Variants in MBTPS2 observed in about 807,000 individuals in gnomAD.
MBTPS2 encodes the protein membrane bound transcription factor peptidase, site 2, also known as membrane-bound transcription factor site-2 protease.
MBTPS2 carries 2 observed loss-of-function variants against 35.4 expected under a neutral mutation model. That is an observed-to-expected ratio of 0.06 (90% CI 0.02 to 0.18). MBTPS2 has a LOEUF of 0.18. Ranked by LOEUF, MBTPS2 falls within the 10% of genes least tolerant of loss-of-function variation. The pLI is 1.00. For synonymous variants in MBTPS2, 125 were observed against 140.4 expected, an observed-to-expected ratio of 0.89 and a Z score of 0.77; for missense variants, 244 against 386.5, an observed-to-expected ratio of 0.63 and a Z score of 3.09.
chrX:21,879,606 G>A (rs1452115509), intron 9 of MBTPS2, among the ~76,000 whole-genome samples: 1 of 110,750 alleles, frequency 9.0e-6, no homozygotes, highest in East Asian at 2.8e-4. Context: ...ATTGAGTTGT[G>A]CAACCATTAC....
chrX:21,862,968 A>ATATATATAT (rs1569325859), intron 5 of MBTPS2, among the ~76,000 whole-genome samples: 84 of 67,003 alleles, frequency 1.3e-3, no homozygotes, highest in East Asian at 1.7e-3. Flanking sequence ...ATATATATAT[A>ATATATATAT]AAACCGACTG....
chrX:21,841,646 TTTC>T (rs2092902757), intron 1 of MBTPS2: 1 of 102,433 alleles, frequency 9.8e-6, no homozygotes, highest in African/African-American at 3.6e-5. Context: ...AGCCACATGA[TTTC>T]TTCATGTTGC....
rs931179160 is a variant in MBTPS2, at chrX:21,873,867, A to G, written c.971-4175A>G. On this transcript the variant is annotated intron_variant, in intron 7 of 10. Coordinates refer to ENST00000379484, the MANE Select transcript of MBTPS2 (RefSeq NM_015884.4). Reference sequence around the variant, plus strand: ...TGCCCAAATTGCTCTAATATTTGAAAAGCAAAAAGACCTTTTTTTGTTATT... The same window carrying G: ...TGCCCAAATTGCTCTAATATTTGAAGAGCAAAAAGACCTTTTTTTGTTATT... Among the ~76,000 whole-genome samples the G allele has an allele frequency of 3.6e-5, 4 of 109,630 alleles. No homozygotes were observed. In the Admixed American group the frequency reaches 3.9e-4, roughly 11 times the overall value.
intron 3 of MBTPS2, among the ~76,000 whole-genome samples, 193 bp from the exon 4 acceptor site, chrX:21,851,316 C>T (rs915486813): frequency 5.4e-5 from 6 of 111,639 alleles, no homozygotes; most frequent in East Asian, 2.8e-4. Flanking sequence ...CTGGCTAGTT[C>T]GAAAAATGAA....
At position 21,869,399 on chromosome X, in the gene MBTPS2, A is replaced by T. The variant is rs1037177407; in HGVS notation, c.790-99A>T. On this transcript the variant is annotated intron_variant, in intron 6 of 10. Transcript: ENST00000379484. ...AAAGCTGGATTATTTTCTGCATTCA[A>T]ACTATTCACTTAATTAACTCAGTGT... 1.1e-5 allele frequency: 7 copies of T among 638,526 alleles called. No homozygotes were observed. The Admixed American group carries it at 1.6e-4, about 14-fold the overall frequency. 52.6% of individuals were successfully genotyped at this position (638,526 alleles called of 1,213,427 possible). A position where few individuals can be genotyped will look rare whatever the true frequency, so the allele number is the denominator to read the frequency against.
intron 5 of MBTPS2, among the ~76,000 whole-genome samples, chrX:21,860,611 T>G (rs1419423352): frequency 9.0e-6 from 1 of 111,551 alleles, no homozygotes; most frequent in Non-Finnish European, 1.9e-5. Context: ...AAATCCAGAA[T>G]CAGAGGGGTG....
chrX:21,856,264 G>C (rs1231293591), intron 5 of MBTPS2: 1 of 422,794 alleles, frequency 2.4e-6, no homozygotes, highest in Non-Finnish European at 4.0e-6. Context: ...CTTCCGGCTC[G>C]TGCTTTCCTC....
intron 5 of MBTPS2, chrX:21,856,601 C>T (rs751297654): frequency 3.3e-6 from 4 of 1,211,841 alleles, no homozygotes; most frequent in South Asian, 3.5e-5. Context: ...CGACGGAAAG[C>T]GTCCAGTACG....
chrX:21,839,974 C>T (rs1275207359), intron 1 of MBTPS2, among the ~76,000 whole-genome samples, 165 bp downstream of exon 1: 1 of 111,471 alleles, frequency 9.0e-6, no homozygotes, highest in African/African-American at 3.3e-5. Flanking sequence ...TTGCCGGCCG[C>T]GGGAGGGTTG....
At chrX:21,863,277 A>C (rs2092935387) in intron 5 of MBTPS2, among the ~76,000 whole-genome samples, 1 of 106,950 alleles carries the variant, frequency 9.4e-6, no homozygotes, top group Non-Finnish European at 1.9e-5. Flanking sequence ...AAAAAAAAAA[A>C]AAAATTAAAT....
chrX:21,839,898 C>G, intron 1 of MBTPS2, 89 bp downstream of exon 1: 3 of 905,132 alleles, frequency 3.3e-6, no homozygotes, highest in Non-Finnish European at 4.7e-6. Context: ...TGGCGCCTCC[C>G]GGGCTGGACG....
intron 7 of MBTPS2, chrX:21,871,598 A>G (rs1002092778): frequency 1.1e-4 from 12 of 111,946 alleles, no homozygotes; most frequent in Admixed American, 9.6e-4. Flanking sequence ...CTAATTTCTG[A>G]TATCTGGTTG....
chrX:21,846,522 C>A (rs777466653), intron 3 of MBTPS2, among the ~76,000 whole-genome samples: 1 of 111,615 alleles, frequency 9.0e-6, no homozygotes, highest in African/African-American at 3.2e-5. Flanking sequence ...AGGCATGCAC[C>A]ACCACGCCTG....
intron 5 of MBTPS2, among the ~76,000 whole-genome samples, chrX:21,862,360 G>T (rs1194285891): frequency 9.0e-6 from 1 of 110,705 alleles, no homozygotes; most frequent in Non-Finnish European, 1.9e-5. Context: ...GTTTCAAGCT[G>T]CAAACCTGCA....
At position 21,884,358 on chromosome X, in the gene MBTPS2, A is replaced by T. The variant is rs777500449; in HGVS notation, c.*1703A>T. 6.3e-5 allele frequency: 42 copies of T among 671,034 alleles called. No homozygotes were observed. In the South Asian group the frequency reaches 8.5e-4, roughly 14 times the overall value. 55.3% of individuals were successfully genotyped at this position (671,034 alleles called of 1,213,427 possible). ...TAGTAGAGCTTGGAGAATGCCATGA[A>T]ATACTTATATAATTAATTTGATTGC... On this transcript the variant is annotated 3_prime_UTR_variant, in exon 11 of 11. Transcript: ENST00000379484.
intron 1 of MBTPS2, among the ~76,000 whole-genome samples, chrX:21,842,709 A>T (rs1294946751): frequency 8.9e-6 from 1 of 112,111 alleles, no homozygotes; most frequent in Non-Finnish European, 1.9e-5. Flanking sequence ...CTGTTAGAAA[A>T]TTTAAAGTTA....
chrX:21,847,839 A>C (rs891340316), intron 3 of MBTPS2, among the ~76,000 whole-genome samples: 1 of 112,015 alleles, frequency 8.9e-6, no homozygotes, highest in Non-Finnish European at 1.9e-5. Context: ...ATAAAAAGGG[A>C]CATAGAAGTT....
rs957083956 is a variant in MBTPS2 at position 21,867,881 on chromosome X, C to T, written c.671-586C>T. Among the ~76,000 whole-genome samples, 48 of 110,880 alleles carry T rather than the reference C, an allele frequency of 4.3e-4. 1 individual carries two copies. Among genetic ancestry groups the T allele is most frequent in the Non-Finnish European group, 1.9e-4 (10 of 52,875 alleles). On this transcript the variant is annotated intron_variant, in intron 5 of 10. Coordinates refer to ENST00000379484, the MANE Select transcript of MBTPS2 (RefSeq NM_015884.4). The stretch of plus-strand genomic sequence containing the variant: ...GTGTTGATCTCCTGACCTCGTGATC[C>T]GCCCGCCCTGGCCTCCCAAAGTGCT...
Position 21,883,840 on chromosome X carries a change from T to C in MBTPS2, c.*1185T>C. 7 of 754,145 alleles carry C rather than the reference T, an allele frequency of 9.3e-6. No individual in the cohort carries two copies. The highest frequency in any genetic ancestry group is 1.1e-5 in the Non-Finnish European group (7 of 639,383). 62.2% of individuals were successfully genotyped at this position (754,145 alleles called of 1,213,427 possible). On this transcript the variant is annotated 3_prime_UTR_variant, in exon 11 of 11. Coordinates refer to ENST00000379484, the MANE Select transcript of MBTPS2 (RefSeq NM_015884.4). ...TTGAGCCCAGAAGAGCCACGCCTGC[T>C]TTGAGGTCTTTTGGAGTGGAGATGC...
Sources: gnomAD v4.1 joint callset for allele counts (sites outside exome capture counted in the v4.1 genomes callset) on GRCh38, gnomAD v4.1.1 for gene constraint, MANE v1.5 for transcripts, NCBI Gene and HGNC (gene_info 2026-07-23, HGNC 2026-07-21) for gene names.